XPA: variants seen among roughly 807,000 people sequenced by gnomAD.
XPA encodes the protein DNA repair protein complementing XP-A cells.
Under a neutral mutation model 35.7 loss-of-function variants are expected in XPA, and 27 were observed. The observed-to-expected ratio is 0.76, with a 90% CI of 0.56 to 1.04. XPA has a LOEUF of 1.04. Ranked by LOEUF, XPA falls within the 50% of genes least tolerant of loss-of-function variation. The probability of loss-of-function intolerance (pLI) is 0.00; values close to 1 mark genes in which losing one functional copy is unlikely to be tolerated. For synonymous variants in XPA, 133 were observed against 118.4 expected (o/e 1.12, Z -0.80); for missense variants, 354 against 342.7 (o/e 1.03, Z -0.26).
chr9:97,675,847 T>TG (rs1383517173), intron 5 of XPA: 4 of 532,356 alleles, frequency 7.5e-6, no homozygotes, highest in Non-Finnish European at 1.3e-5. Flanking sequence ...TTATGTGGGT[T>TG]GGTGGTATGC....
At chr9:97,694,517 C>G (rs1292167399) in intron 1 of XPA, among the ~76,000 whole-genome samples, 3 of 152,188 alleles carry the variant, frequency 2.0e-5, no homozygotes, top group African/African-American at 4.8e-5. Flanking sequence ...TGAAAAGGTT[C>G]TCATTATCTC....
At chr9:97,657,887 T>G in the XPA span, among the ~76,000 whole-genome samples, 40 of 68,644 alleles carry the variant, frequency 5.8e-4, no homozygotes, top group African/African-American at 2.6e-3. Flanking sequence ...CCCGGTAAGC[T>G]CTCTCTCTCT....
At position 97,675,405 on chromosome 9, in the gene XPA, A is replaced by C. The variant is rs992868621; in HGVS notation, c.*34T>G. 7 of 1,585,782 alleles carry C rather than the reference A, an allele frequency of 4.4e-6. No homozygotes were observed. Among genetic ancestry groups the C allele is most frequent in the Non-Finnish European group, 6.0e-6 (7 of 1,168,970 alleles). The stretch of plus-strand genomic sequence containing the variant: ...ATCTAAATTTCCTTTATTTAAATAT[A>C]AAATTCTATAAAACAGGTCACTGAA... On this transcript the variant is annotated 3_prime_UTR_variant, in exon 6 of 6. Coordinates refer to ENST00000375128, the MANE Select transcript of XPA (RefSeq NM_000380.4).
intron 2 of XPA, among the ~76,000 whole-genome samples, chr9:97,693,056 T>A (rs965200045): frequency 6.7e-6 from 1 of 148,392 alleles, no homozygotes; most frequent in African/African-American, 2.4e-5. Context: ...AGGTCTTTTT[T>A]TTTTTTTTTT....
At chr9:97,655,910 CA>C in the XPA span, 1 of 1,358,828 alleles carries the variant, frequency 7.4e-7, no homozygotes, top group African/African-American at 1.5e-5. Context: ...TATAACTTAA[CA>C]AAACTTGTAA....
chr9:97,671,202 G>A (rs779785629), downstream of XPA: 38 of 1,578,104 alleles, frequency 2.4e-5, no homozygotes, highest in Admixed American at 1.8e-5. Context: ...AGGCCTAAGG[G>A]TCATTTTTTC....
At chr9:97,667,377 A>G in the XPA span, among the ~76,000 whole-genome samples, 1 of 152,346 alleles carries the variant, frequency 6.6e-6, no homozygotes, top group Non-Finnish European at 1.5e-5. Flanking sequence ...TCATTATGAA[A>G]GTATTTTCCA....
chr9:97,687,882 G>C (rs1361754163), intron 3 of XPA, among the ~76,000 whole-genome samples: 8 of 152,140 alleles, frequency 5.3e-5, no homozygotes, highest in Admixed American at 4.6e-4. Flanking sequence ...ACACAGGAGA[G>C]TGGAGACATA....
At chr9:97,691,323 G>C (rs1327711362) in intron 2 of XPA, among the ~76,000 whole-genome samples, 6 of 152,162 alleles carry the variant, frequency 3.9e-5, no homozygotes, top group African/African-American at 1.2e-4. Flanking sequence ...CTCTAGGTAA[G>C]GTAAAGCTAG....
chr9:97,697,229 C>T lies in XPA; in HGVS notation c.64G>A (p.Ala22Thr). 1 of 1,601,174 alleles carries T rather than the reference C, an allele frequency of 6.2e-7. No homozygotes were observed. Among genetic ancestry groups the T allele is most frequent in the Non-Finnish European group, 8.5e-7 (1 of 1,179,086 alleles). Reference protein sequence around the residue: ...AALEQPAELPASVRASIERKR... With the variant: ...AALEQPAELPTSVRASIERKR... ...CGCTCGATACTCGCCCGCACCGAGG[C>T]AGGCAGCTCCGCGGGTTGCTCTAAA... The change falls in exon 1 of 6, where the codon GCC becomes ACC. Residue 22 changes from alanine to threonine, a missense_variant. Ala to Thr is a moderately conservative substitution (Grantham distance 58). Coordinates refer to ENST00000375128, the MANE Select transcript of XPA (RefSeq NM_000380.4).
intron 1 of XPA, among the ~76,000 whole-genome samples, chr9:97,696,919 A>G (rs1302573755): frequency 6.6e-6 from 1 of 152,178 alleles, no homozygotes; most frequent in East Asian, 1.9e-4. Flanking sequence ...CGTGCGACAG[A>G]GGAACGCTCT....
rs1278421936 is a variant in XPA, at chr9:97,689,515, C to T, written c.389+19G>A. 6.7e-7 allele frequency: 1 copy of T among 1,487,956 alleles called. No homozygotes were observed. Among genetic ancestry groups the T allele is most frequent in the Middle Eastern group, 1.7e-4 (1 of 5,850 alleles). The allele number at this position is 1,487,956 out of a possible 1,614,324, so 92.2% of individuals were successfully genotyped here. On this transcript the variant is annotated intron_variant, in intron 3 of 5. Coordinates refer to ENST00000375128, the MANE Select transcript of XPA (RefSeq NM_000380.4). ...ACACATAAACATTAGCAATTAAGAA[C>T]ACCATCTAAAATAAGTACCTGCAGT...
the XPA span, chr9:97,662,038 T>C: frequency 6.2e-7 from 1 of 1,606,038 alleles, no homozygotes; most frequent in Non-Finnish European, 8.5e-7. Context: ...AAAATATTTT[T>C]CAGATGAAGG....
chr9:97,680,278 A>G (rs999592306), intron 5 of XPA, among the ~76,000 whole-genome samples: 1 of 152,108 alleles, frequency 6.6e-6, no homozygotes, highest in African/African-American at 2.4e-5. Flanking sequence ...GGGGGATCTC[A>G]GCTCACTGCA....
chr9:97,665,038 T>TGATA, the XPA span, among the ~76,000 whole-genome samples: 1 of 152,226 alleles, frequency 6.6e-6, no homozygotes, highest in Non-Finnish European at 1.5e-5. Flanking sequence ...ACTTTACAGC[T>TGATA]GATAGGACCA....
Position 97,688,705 on chromosome 9 carries a change from T to G in XPA, c.389+829A>C, listed in dbSNP as rs73500372. Among the ~76,000 whole-genome samples the G allele has an allele frequency of 4.6e-5, 7 of 152,288 alleles. No homozygotes were observed. In the East Asian group the frequency reaches 1.4e-3, roughly 29 times the overall value. On this transcript the variant is annotated intron_variant, in intron 3 of 5. Transcript: ENST00000375128. The stretch of plus-strand genomic sequence containing the variant: ...TGTGGTGCCAGAGCATTCCCAGCCA[T>G]GTATCTGATCATGAGACCAGGGACC...
At chr9:97,656,768 G>C in the XPA span, among the ~76,000 whole-genome samples, 1 of 152,030 alleles carries the variant, frequency 6.6e-6, no homozygotes, top group African/African-American at 2.4e-5. Context: ...CCCAGCTGAT[G>C]TAATGGCCCA....
At chr9:97,656,189 C>T in the XPA span, 1 of 930,624 alleles carries the variant, frequency 1.1e-6, no homozygotes, top group South Asian at 1.6e-5. Context: ...AATCCACTTA[C>T]TCATCTTCCA....
chr9:97,656,104 C>T, the XPA span: 1 of 1,570,518 alleles, frequency 6.4e-7, no homozygotes, highest in Non-Finnish European at 8.8e-7. Context: ...TTTGTGTTTT[C>T]TCCTTTTAAC....
Sources: allele counts gnomAD v4.1 joint callset (sites outside exome capture counted in the v4.1 genomes callset), GRCh38; gene constraint gnomAD v4.1.1; transcripts MANE v1.5; gene names NCBI Gene and HGNC (gene_info 2026-07-23, HGNC 2026-07-21).